STXBP4: variants seen among roughly 807,000 people sequenced by gnomAD.
STXBP4 encodes the protein syntaxin-binding protein 4.
STXBP4 carries 55 observed loss-of-function variants against 76.1 expected under a neutral mutation model. The ratio of observed to expected loss-of-function variants is 0.72; its 90% CI spans 0.58 to 0.91. The LOEUF (loss-of-function observed/expected upper bound fraction) is 0.91. STXBP4 is among the 40% of genes least tolerant of loss of function. STXBP4 has a pLI of 0.00. For synonymous variants in STXBP4, 201 were observed against 220.2 expected, an observed-to-expected ratio of 0.91 and a Z score of 0.77; for missense variants, 618 against 636.9, an observed-to-expected ratio of 0.97 and a Z score of 0.32.
At chr17:55,044,707 T>C (rs1432209825) in intron 11 of STXBP4, 1 of 152,088 alleles carries the variant, frequency 6.6e-6, no homozygotes, top group African/African-American at 2.4e-5. Flanking sequence ...GAGAAATTTC[T>C]GTACTTTCCC....
chr17:54,969,474 C>T (rs1014152391), intron 1 of STXBP4, among the ~76,000 whole-genome samples: 4 of 152,184 alleles, frequency 2.6e-5, no homozygotes, highest in African/African-American at 7.2e-5. Context: ...GATTTTTACC[C>T]GGGTCCTCAC....
chr17:54,984,670 T>C (rs1350578309), intron 1 of STXBP4, among the ~76,000 whole-genome samples: 1 of 152,118 alleles, frequency 6.6e-6, no homozygotes, highest in South Asian at 2.1e-4. Context: ...TTAAGATATG[T>C]TCCTCCTGCA....
intron 12 of STXBP4, among the ~76,000 whole-genome samples, chr17:55,052,546 G>A (rs1220121320): frequency 6.6e-6 from 1 of 151,994 alleles, no homozygotes; most frequent in East Asian, 1.9e-4. Flanking sequence ...ACTTGATCAG[G>A]CACAAATCAT....
At chr17:55,127,260 G>T (rs1225108889) in intron 16 of STXBP4, among the ~76,000 whole-genome samples, 1 of 152,200 alleles carries the variant, frequency 6.6e-6, no homozygotes, top group Non-Finnish European at 1.5e-5. Flanking sequence ...TCCACTCAGT[G>T]TAGGGCTTTT....
At chr17:55,159,116 G>T (rs575772221) in intron 17 of STXBP4, among the ~76,000 whole-genome samples, 1 of 152,044 alleles carries the variant, frequency 6.6e-6, no homozygotes, top group Non-Finnish European at 1.5e-5. Context: ...GTGGTGGTGC[G>T]CACCTTTAGC....
intron 10 of STXBP4, among the ~76,000 whole-genome samples, chr17:55,040,738 T>A (rs2078684062): frequency 6.6e-6 from 1 of 152,136 alleles, no homozygotes; most frequent in South Asian, 2.1e-4. Flanking sequence ...TGTTGCAAAG[T>A]TCGGGAGATC....
intron 1 of STXBP4, among the ~76,000 whole-genome samples, chr17:54,982,765 A>G (rs1028409583): frequency 8.5e-5 from 13 of 152,198 alleles, no homozygotes; most frequent in African/African-American, 2.9e-4. Flanking sequence ...GGACATGACA[A>G]TGAATACCAC....
At chr17:55,046,187 A>T (rs1339539228) in intron 11 of STXBP4, among the ~76,000 whole-genome samples, 1 of 152,062 alleles carries the variant, frequency 6.6e-6, no homozygotes, top group African/African-American at 2.4e-5. Context: ...CAAAAAAACT[A>T]GGGCACAAAG....
chr17:54,996,133 C>T (rs2077798118), intron 4 of STXBP4, among the ~76,000 whole-genome samples: 1 of 151,400 alleles, frequency 6.6e-6, no homozygotes, highest in African/African-American at 2.4e-5. Flanking sequence ...AAAGACACAA[C>T]GATTAAGTAA....
At chr17:55,070,807 G>A (rs1253349360) in intron 12 of STXBP4, among the ~76,000 whole-genome samples, 1 of 151,776 alleles carries the variant, frequency 6.6e-6, no homozygotes, top group Non-Finnish European at 1.5e-5. Context: ...ATTTCTTCTT[G>A]TCTCTCTTCC....
At chr17:55,051,765 A>G (rs1021407170) in intron 12 of STXBP4, among the ~76,000 whole-genome samples, 5 of 152,064 alleles carry the variant, frequency 3.3e-5, no homozygotes, top group Non-Finnish European at 4.4e-5. Flanking sequence ...TTAAAAGGAA[A>G]AAGAAAGAAG....
At chr17:55,141,203 T>C (rs2080090905) in intron 16 of STXBP4, 107 bp from the exon 17 acceptor site, 2 of 910,010 alleles carry the variant, frequency 2.2e-6, no homozygotes, top group African/African-American at 1.7e-5. Flanking sequence ...TTATTTTGTA[T>C]AAGAAATGTG....
rs543556292 is a variant in STXBP4, at chr17:55,035,230, A to AT, written c.855+980dup. 3.7e-3 allele frequency among the ~76,000 whole-genome samples: 559 copies of AT among 150,798 alleles called. 2 individuals are homozygous for AT. Among genetic ancestry groups the AT allele is most frequent in the Middle Eastern group, 0.017 (5 of 288 alleles). ...AGTTATAACAACTTTTCATTGGTTGATTTTTTTTTGGTTTCCAGTGATTAA... is the reference window on the plus strand; with the variant it reads ...AGTTATAACAACTTTTCATTGGTTGATTTTTTTTTTGGTTTCCAGTGATTAA... On this transcript the variant is annotated intron_variant, in intron 10 of 17. Transcript: ENST00000376352.
rs1015770616 is a variant in STXBP4, at chr17:55,163,234, T to G, written c.*3323T>G. The G allele has an allele frequency of 1.3e-5, 2 of 149,134 alleles. No individual in the cohort carries two copies. The highest frequency in any genetic ancestry group is 1.3e-4 in the Admixed American group (2 of 15,096). The allele number at this position is 149,134 out of a possible 1,614,324, so 9.2% of individuals were successfully genotyped here. A position where few individuals can be genotyped will look rare whatever the true frequency, so the allele number is the denominator to read the frequency against. ...ATTTTCTGGGTTTTTTTTTTTTTTT[T>G]GTCCTTGGAAGAATAACCTTCCTTC... On this transcript the variant is annotated 3_prime_UTR_variant, in exon 18 of 18. Transcript: ENST00000376352.
At chr17:55,189,946 A>G in the STXBP4 span, among the ~76,000 whole-genome samples, 1 of 152,288 alleles carries the variant, frequency 6.6e-6, no homozygotes, top group East Asian at 1.9e-4. Context: ...AACACTTATT[A>G]TATATTGTTG....
chr17:55,205,228 G>T, the STXBP4 span, among the ~76,000 whole-genome samples: 1 of 151,854 alleles, frequency 6.6e-6, no homozygotes, highest in African/African-American at 2.4e-5. Flanking sequence ...TAGAGAAATA[G>T]ATCTATATAA....
chr17:55,120,609 G>T (rs1052276887), intron 16 of STXBP4, among the ~76,000 whole-genome samples: 2 of 152,154 alleles, frequency 1.3e-5, no homozygotes, highest in African/African-American at 4.8e-5. Context: ...TACAAACAGA[G>T]CCTGGAGAAA....
At chr17:55,124,927 T>C (rs1161136996) in intron 16 of STXBP4, among the ~76,000 whole-genome samples, 8 of 152,194 alleles carry the variant, frequency 5.3e-5, no homozygotes, top group Non-Finnish European at 1.0e-4. Flanking sequence ...CTTGTCCCTG[T>C]TCTTCTGAGG....
intron 16 of STXBP4, among the ~76,000 whole-genome samples, chr17:55,137,554 C>T (rs16955660): frequency 0.021 from 3,229 of 152,078 alleles, 126 homozygotes; most frequent in African/African-American, 0.074. Context: ...ATATGGAGAT[C>T]GTTCAACATA....
Sources: allele counts gnomAD v4.1 joint callset (sites outside exome capture counted in the v4.1 genomes callset), GRCh38; gene constraint gnomAD v4.1.1; transcripts MANE v1.5; gene names NCBI Gene and HGNC (gene_info 2026-07-23, HGNC 2026-07-21).